The following SSBP4 variants were observed in gnomAD, a reference collection of about 807,000 sequenced individuals.
The protein encoded by SSBP4 is single stranded DNA binding protein 4.
A neutral mutation model predicts 64.6 loss-of-function variants in SSBP4; 33 were observed. The ratio of observed to expected loss-of-function variants is 0.51; its 90% CI spans 0.39 to 0.68. The LOEUF is 0.68. Ranked by LOEUF, SSBP4 falls within the 30% of genes least tolerant of loss-of-function variation. SSBP4 has a pLI of 0.00. For synonymous variants in SSBP4, 243 were observed against 224.0 expected (o/e 1.08, Z -0.76); for missense variants, 583 against 566.8 (o/e 1.03, Z -0.29).
chr19:18,415,474 A>G (rs1972124852), upstream of SSBP4, among the ~76,000 whole-genome samples: 1 of 152,216 alleles, frequency 6.6e-6, no homozygotes, highest in African/African-American at 2.4e-5. Flanking sequence ...GAGGCGGCCA[A>G]CTGAGGACGG....
Position 18,426,550 on chromosome 19 carries a change from C to T in SSBP4, c.60-801C>T, listed in dbSNP as rs769447544. On this transcript the variant is annotated intron_variant, in intron 1 of 17. Coordinates refer to ENST00000270061, the MANE Select transcript of SSBP4 (RefSeq NM_032627.5). This position sits in a 1 kb window ranked among gnomAD's most constrained non-coding sequence, Gnocchi z 4.5. ...CTCTGGTGTGGCAGCTGGACTGGAG[C>T]GGGGTGGACAGTCCGGCCTCCCCCT... Among the ~76,000 whole-genome samples, 56 of 152,108 alleles carry T rather than the reference C, an allele frequency of 3.7e-4. No homozygotes were observed. Among genetic ancestry groups the T allele is most frequent in the Non-Finnish European group, 2.1e-4 (14 of 68,004 alleles).
At chr19:18,416,357 G>T (rs1972130473), upstream of SSBP4, among the ~76,000 whole-genome samples, 1 of 152,112 alleles carries the variant, frequency 6.6e-6, no homozygotes, top group Admixed American at 6.5e-5. Context: ...TGTCGTCCAG[G>T]CTGAAGTGCA....
chr19:18,413,703 C>T, the SSBP4 span, among the ~76,000 whole-genome samples: 1 of 152,098 alleles, frequency 6.6e-6, no homozygotes, highest in African/African-American at 2.4e-5. Flanking sequence ...CTTAGGGAGA[C>T]TGGCATGTCC....
At chr19:18,415,462 C>T (rs1461871712), upstream of SSBP4, among the ~76,000 whole-genome samples, 2 of 152,210 alleles carry the variant, frequency 1.3e-5, no homozygotes, top group Admixed American at 6.5e-5. Context: ...CAGAGGAAGG[C>T]GGAGGCGGCC....
chr19:18,404,916 A>AATATTCAG, the SSBP4 span, among the ~76,000 whole-genome samples: 13 of 147,126 alleles, frequency 8.8e-5, no homozygotes, highest in Non-Finnish European at 1.5e-5. Flanking sequence ...AAAAAAGATA[A>AATATTCAG]ATATTCAGAG....
At position 18,434,392 on chromosome 19, in the gene SSBP4, C is replaced by G. The variant is rs1173282373; in HGVS notation, c.*146C>G. The G allele has an allele frequency of 1.4e-6, 2 of 1,383,242 alleles. No individual in the cohort carries two copies. Among genetic ancestry groups the G allele is most frequent in the East Asian group, 2.7e-5 (1 of 37,662 alleles). The allele number at this position is 1,383,242 out of a possible 1,614,324, so 85.7% of individuals were successfully genotyped here. A position where few individuals can be genotyped will look rare whatever the true frequency, so the allele number is the denominator to read the frequency against. On this transcript the variant is annotated 3_prime_UTR_variant, in exon 18 of 18. Transcript: ENST00000270061. Reference sequence around the variant, plus strand: ...GCTGGGAGGCCCCACACGAAAGACTCTTACCATTTTATTAAAAACGCAAGG... The same window carrying G: ...GCTGGGAGGCCCCACACGAAAGACTGTTACCATTTTATTAAAAACGCAAGG...
chr19:18,432,491 G>A (rs1166624392), intron 10 of SSBP4, 68 bp from the exon 11 acceptor site: 3 of 1,515,928 alleles, frequency 2.0e-6, no homozygotes, highest in Non-Finnish European at 2.7e-6. Context: ...AGGGTGTGGG[G>A]GGTGTGTGGT....
Position 18,431,467 on chromosome 19 carries a change from A to C in SSBP4, c.435+49A>C, listed in dbSNP as rs535721917. 115 of 1,057,548 alleles carry C rather than the reference A, an allele frequency of 1.1e-4. No homozygotes were observed. In the African/African-American group the frequency reaches 1.7e-3, roughly 16 times the overall value. 65.5% of individuals were successfully genotyped at this position (1,057,548 alleles called of 1,614,324 possible). On this transcript the variant is annotated intron_variant, in intron 6 of 17. Coordinates refer to ENST00000270061, the MANE Select transcript of SSBP4 (RefSeq NM_032627.5). ...CTCACACACACACATCCCCTCCCCCAGCGCCGCCCCCTCCCACCCTCAAGC... is the reference window on the plus strand; with the variant it reads ...CTCACACACACACATCCCCTCCCCCCGCGCCGCCCCCTCCCACCCTCAAGC...
In SSBP4 at chr19:18,423,256, G is replaced by A. The variant is rs527702389; in HGVS notation, c.59+3549G>A. ...TTTCTCCCGGGCTTGATTTTGAGCC[G>A]GCACATGGATGTCGGTGGCTTGTTC... On this transcript the variant is annotated intron_variant, in intron 1 of 17. Transcript: ENST00000270061. The surrounding 1 kb of genome is among the most constrained non-coding windows in gnomAD (Gnocchi z 4.0). Among the ~76,000 whole-genome samples the A allele has an allele frequency of 3.9e-5, 6 of 152,330 alleles. No individual in the cohort carries two copies. Among genetic ancestry groups the A allele is most frequent in the South Asian group, 2.1e-4 (1 of 4,828 alleles).
At chr19:18,412,101 G>T in the SSBP4 span, among the ~76,000 whole-genome samples, 1 of 152,186 alleles carries the variant, frequency 6.6e-6, no homozygotes, top group Non-Finnish European at 1.5e-5. Context: ...GGAGTTTGAG[G>T]CTGCAGTGAG....
At chr19:18,411,517 G>A in the SSBP4 span, among the ~76,000 whole-genome samples, 6 of 152,056 alleles carry the variant, frequency 3.9e-5, no homozygotes, top group East Asian at 1.2e-3. Flanking sequence ...AAGTATCCAG[G>A]AAGATCCAAC....
chr19:18,404,166 A>AC, the SSBP4 span, among the ~76,000 whole-genome samples: 1 of 151,376 alleles, frequency 6.6e-6, no homozygotes, highest in Non-Finnish European at 1.5e-5. Flanking sequence ...AACCTCAGAG[A>AC]CCCCCAAGAT....
the SSBP4 span, among the ~76,000 whole-genome samples, chr19:18,410,750 T>G: frequency 1.9e-4 from 29 of 151,986 alleles, no homozygotes; most frequent in Admixed American, 1.3e-4. Context: ...CCTGCTGGGA[T>G]TCTCAGGAGT....
rs181004295 is a variant in SSBP4 at position 18,426,698 on chromosome 19, C to T, written c.60-653C>T. Among the ~76,000 whole-genome samples the T allele has an allele frequency of 5.6e-3, 856 of 152,234 alleles. 5 individuals carry two copies. Among genetic ancestry groups the T allele is most frequent in the Non-Finnish European group, 0.01 (687 of 67,988 alleles). ...GGGTCCCTGGCAGGCTGGGGACTCGCGCAGAGCCCTGTGGGTGTTTGGGTA... is the reference window on the plus strand; with the variant it reads ...GGGTCCCTGGCAGGCTGGGGACTCGTGCAGAGCCCTGTGGGTGTTTGGGTA... On this transcript the variant is annotated intron_variant, in intron 1 of 17. Coordinates refer to ENST00000270061, the MANE Select transcript of SSBP4 (RefSeq NM_032627.5). This position sits in a 1 kb window ranked among gnomAD's most constrained non-coding sequence, Gnocchi z 4.5.
At chr19:18,409,912 ATC>A in the SSBP4 span, among the ~76,000 whole-genome samples, 1 of 152,040 alleles carries the variant, frequency 6.6e-6, no homozygotes, top group Non-Finnish European at 1.5e-5. Context: ...GCTCACTGAA[ATC>A]TCTGTCTCTC....
intron 4 of SSBP4, 138 bp from the exon 5 acceptor site, chr19:18,430,703 C>T: frequency 4.4e-6 from 3 of 676,090 alleles, no homozygotes; most frequent in Non-Finnish European, 7.2e-6. Context: ...CTCAGGCCGA[C>T]AACCCCAGTG....
intron 1 of SSBP4, among the ~76,000 whole-genome samples, chr19:18,422,088 G>A (rs1972504451): frequency 1.3e-5 from 2 of 152,212 alleles, no homozygotes; most frequent in South Asian, 4.1e-4. Flanking sequence ...TTGAACCTAG[G>A]AGGTAGAGGT....
the SSBP4 span, among the ~76,000 whole-genome samples, chr19:18,410,708 A>G: frequency 9.2e-5 from 14 of 151,844 alleles, 1 homozygote; most frequent in South Asian, 2.7e-3. Context: ...GTCTTAGCTC[A>G]GGGAGGCCTC....
At chr19:18,418,397 T>C (rs10419162), upstream of SSBP4, among the ~76,000 whole-genome samples, 12,464 of 152,132 alleles carry the variant, frequency 0.082, 1,724 homozygotes, top group African/African-American at 0.29. The surrounding 1 kb of genome is among the most constrained non-coding windows in gnomAD (Gnocchi z 6.7). Flanking sequence ...TGACTCAGTA[T>C]CCGCCCCCAC....
Sources: allele counts gnomAD v4.1 joint callset (sites outside exome capture counted in the v4.1 genomes callset), GRCh38; gene constraint gnomAD v4.1.1; non-coding constraint Gnocchi (gnomAD v3.1); transcripts MANE v1.5; gene names NCBI Gene and HGNC (gene_info 2026-07-23, HGNC 2026-07-21).